LRRC1: variants seen among roughly 807,000 people sequenced by gnomAD.
The protein encoded by LRRC1 is leucine-rich repeat-containing protein 1.
A neutral mutation model predicts 69.9 loss-of-function variants in LRRC1; 28 were observed. The ratio of observed to expected loss-of-function variants is 0.40; its 90% CI spans 0.30 to 0.55. The LOEUF (loss-of-function observed/expected upper bound fraction) is 0.55. Ranked by LOEUF, LRRC1 falls within the 20% of genes least tolerant of loss-of-function variation. LRRC1 has a pLI of 0.47. For synonymous variants in LRRC1, 236 were observed against 240.2 expected (o/e 0.98, Z 0.16); for missense variants, 498 against 609.0 (o/e 0.82, Z 1.92).
Position 53,878,987 on chromosome 6 carries a change from C to G in LRRC1, c.278-6C>G, listed in dbSNP as rs768167365. The G allele has an allele frequency of 1.3e-6, 2 of 1,595,886 alleles. No individual in the cohort carries two copies. Among genetic ancestry groups the G allele is most frequent in the Non-Finnish European group, 1.7e-6 (2 of 1,164,734 alleles). On this transcript the variant is annotated splice_polypyrimidine_tract_variant and splice_region_variant and intron_variant, in intron 2 of 13. Coordinates refer to ENST00000370888, the MANE Select transcript of LRRC1 (RefSeq NM_018214.5). The stretch of plus-strand genomic sequence containing the variant: ...CAAATTATAGACATTTTCTCTACTC[C>G]TGCAGAGATTCCTGAAATTCCAGAA...
At chr6:53,855,629 C>T (rs1477372803) in intron 2 of LRRC1, among the ~76,000 whole-genome samples, 3 of 152,172 alleles carry the variant, frequency 2.0e-5, no homozygotes, top group Non-Finnish European at 4.4e-5. Context: ...GCCTGTTTAC[C>T]TGGGTAGGAA....
At chr6:53,890,355 ATAGAAG>A (rs1328681816) in intron 4 of LRRC1, among the ~76,000 whole-genome samples, 2 of 152,188 alleles carry the variant, frequency 1.3e-5, no homozygotes, top group African/African-American at 2.4e-5. Flanking sequence ...CAAGTTGCTG[ATAGAAG>A]TAGAATGAGT....
At chr6:53,857,874 C>T (rs1164040342) in intron 2 of LRRC1, among the ~76,000 whole-genome samples, 1 of 152,218 alleles carries the variant, frequency 6.6e-6, no homozygotes, top group Non-Finnish European at 1.5e-5. Flanking sequence ...CCTGCTGGAT[C>T]TGCCAGTTCT....
At chr6:53,818,531 CAG>C (rs1388394245) in intron 1 of LRRC1, among the ~76,000 whole-genome samples, 1 of 152,142 alleles carries the variant, frequency 6.6e-6, no homozygotes, top group African/African-American at 2.4e-5. Context: ...TTATTTGTCA[CAG>C]AGGAACTTTC....
chr6:53,865,427 C>T (rs372426866), intron 2 of LRRC1, among the ~76,000 whole-genome samples: 21 of 152,178 alleles, frequency 1.4e-4, no homozygotes, highest in South Asian at 6.2e-4. Context: ...CCCAAGGTGA[C>T]GTAAAGAATG....
At chr6:53,919,783 C>A in intron 12 of LRRC1, 113 bp downstream of exon 12, 1 of 953,592 alleles carries the variant, frequency 1.0e-6, no homozygotes, top group Non-Finnish European at 1.5e-6. Flanking sequence ...CAGTCTGCAC[C>A]TAGAGCCAGC....
chr6:53,920,151 C>T lies in LRRC1; in HGVS notation c.1280-474C>T, dbSNP rs79233364. On this transcript the variant is annotated intron_variant, in intron 12 of 13. Transcript: ENST00000370888. ...AGAGCTGGGTTTGGTGGAGGAGAAC[C>T]GGAGTGTCCTGGGGGAATGGGAGCC... 4.5e-3 allele frequency among the ~76,000 whole-genome samples: 685 copies of T among 152,200 alleles called. 7 individuals are homozygous for T. The East Asian group carries it at 0.051, about 11-fold the overall frequency.
At chr6:53,810,156 G>A (rs558421597) in intron 1 of LRRC1, among the ~76,000 whole-genome samples, 1 of 152,204 alleles carries the variant, frequency 6.6e-6, no homozygotes, top group African/African-American at 2.4e-5. Context: ...AGGAAGGCAG[G>A]CAGACAGTGA....
rs145205205 is a variant in LRRC1, at chr6:53,876,082, A to G, written c.278-2911A>G. Among the ~76,000 whole-genome samples the G allele has an allele frequency of 9.8e-5, 15 of 152,312 alleles. No individual in the cohort carries two copies. In the East Asian group the frequency reaches 1.9e-3, roughly 20 times the overall value. On this transcript the variant is annotated intron_variant, in intron 2 of 13. Transcript: ENST00000370888. ...TATCCGAGACTGGGCAATTTAAGACAGAAGGGGGTTTAATTTGACTCACAG... is the reference window on the plus strand; with the variant it reads ...TATCCGAGACTGGGCAATTTAAGACGGAAGGGGGTTTAATTTGACTCACAG...
intron 1 of LRRC1, among the ~76,000 whole-genome samples, chr6:53,820,275 G>T (rs1273232652): frequency 6.6e-6 from 1 of 151,618 alleles, no homozygotes; most frequent in East Asian, 1.9e-4. Flanking sequence ...TTTGCTAGCT[G>T]TATACTCTTC....
chr6:53,856,933 G>C (rs887223842), intron 2 of LRRC1, among the ~76,000 whole-genome samples: 1 of 152,270 alleles, frequency 6.6e-6, no homozygotes, highest in East Asian at 1.9e-4. Flanking sequence ...TGCTGGAGCG[G>C]GAGGGAGAGG....
intron 2 of LRRC1, among the ~76,000 whole-genome samples, chr6:53,872,630 T>C (rs1215739566): frequency 6.6e-6 from 1 of 152,120 alleles, no homozygotes; most frequent in East Asian, 1.9e-4. Flanking sequence ...TGTGGTTCTG[T>C]AAGAATTAGA....
Position 53,878,990 on chromosome 6 carries a change from C to A in LRRC1, c.278-3C>A. The A allele has an allele frequency of 6.2e-7, 1 of 1,601,286 alleles. No individual in the cohort carries two copies. The highest frequency in any genetic ancestry group is 1.3e-5 in the African/African-American group (1 of 74,764). The stretch of plus-strand genomic sequence containing the variant: ...ATTATAGACATTTTCTCTACTCCTG[C>A]AGAGATTCCTGAAATTCCAGAAAGC... On this transcript the variant is annotated splice_polypyrimidine_tract_variant and splice_region_variant and intron_variant, in intron 2 of 13. Transcript: ENST00000370888.
chr6:53,872,752 C>CTT (rs537186693), intron 2 of LRRC1, among the ~76,000 whole-genome samples: 1,355 of 106,244 alleles, frequency 0.013, 25 homozygotes, highest in East Asian at 0.031. Flanking sequence ...TTTCTTTTCT[C>CTT]TTTTTTTTTT....
At chr6:53,815,962 C>T (rs531068303) in intron 1 of LRRC1, among the ~76,000 whole-genome samples, 2 of 152,276 alleles carry the variant, frequency 1.3e-5, no homozygotes, top group South Asian at 4.1e-4. Flanking sequence ...AACGAGTACC[C>T]AAGCATGTTG....
At chr6:53,858,747 A>G (rs1209576648) in intron 2 of LRRC1, among the ~76,000 whole-genome samples, 3 of 152,334 alleles carry the variant, frequency 2.0e-5, no homozygotes, top group South Asian at 4.1e-4. Context: ...GTGACAAGGT[A>G]TGGGGTTTAC....
intron 1 of LRRC1, among the ~76,000 whole-genome samples, chr6:53,798,491 G>A (rs1764368144): frequency 6.6e-6 from 1 of 152,154 alleles, no homozygotes; most frequent in Non-Finnish European, 1.5e-5. Flanking sequence ...CCATTCTCCT[G>A]CCTCAGCCTC....
intron 3 of LRRC1, among the ~76,000 whole-genome samples, chr6:53,881,383 C>A (rs1356358421): frequency 6.6e-6 from 1 of 152,104 alleles, no homozygotes; most frequent in Admixed American, 6.5e-5. Context: ...TAAAATAACA[C>A]CTATTTAAAT....
intron 4 of LRRC1, among the ~76,000 whole-genome samples, chr6:53,891,645 A>T (rs1404468901): frequency 6.6e-6 from 1 of 152,048 alleles, no homozygotes; most frequent in Admixed American, 6.6e-5. Context: ...AGCTGGATTG[A>T]TGGGGGAAAA....
Sources: gnomAD v4.1 joint callset for allele counts (sites outside exome capture counted in the v4.1 genomes callset) on GRCh38, gnomAD v4.1.1 for gene constraint, MANE v1.5 for transcripts, NCBI Gene and HGNC (gene_info 2026-07-23, HGNC 2026-07-21) for gene names.